Variants in MYH15 observed in about 807,000 individuals in gnomAD.
MYH15 encodes the protein myosin-15.
In MYH15, 227 loss-of-function variants were observed where a neutral mutation model predicts 240.5. The observed-to-expected ratio is 0.94, with a 90% CI of 0.85 to 1.05. MYH15 has a LOEUF of 1.05. Among genes scored for constraint, MYH15 ranks in the 50% least tolerant of loss-of-function variants. The pLI is 0.00. For missense variants in MYH15, 2,217 were observed against 2,247.5 expected (o/e 0.99, Z 0.27); for synonymous variants, 785 against 796.7 (o/e 0.99, Z 0.25).
chr3:108,542,490 C>T, the MYH15 span, among the ~76,000 whole-genome samples: 1 of 152,146 alleles, frequency 6.6e-6, no homozygotes, highest in African/African-American at 2.4e-5. Context: ...TTCAGACTGG[C>T]TTTTCATTTA....
rs368557464 is a variant in MYH15, at chr3:108,428,627, T to C, written c.3567A>G (p.Ala1189=). Residue 1189 remains alanine (A), a synonymous_variant, in exon 27 of 41, where the codon GCA becomes GCG. Transcript: ENST00000693548. ...GGCCCTCGAGCTCAGCCAGGCTGTC[T>C]GCATGTCTCTTCTTCAAAGATGCAG... The part of the protein sequence containing the change: ...TTSASLKKRH[A]DSLAELEGQV... 9.3e-6 allele frequency: 15 copies of C among 1,613,876 alleles called. No homozygotes were observed. In the Admixed American group the frequency reaches 2.2e-4, roughly 23 times the overall value.
intron 12 of MYH15, among the ~76,000 whole-genome samples, chr3:108,475,516 C>T (rs1336139271): frequency 6.6e-6 from 1 of 152,134 alleles, no homozygotes; most frequent in African/African-American, 2.4e-5. Flanking sequence ...CTAGCCCAAG[C>T]AGTTAAAGGT....
At chr3:108,496,382 A>C (rs954232048) in intron 6 of MYH15, among the ~76,000 whole-genome samples, 3 of 152,172 alleles carry the variant, frequency 2.0e-5, no homozygotes, top group African/African-American at 7.2e-5. Context: ...ATTGATCTTG[A>C]ATTTGAATCA....
the MYH15 span, among the ~76,000 whole-genome samples, chr3:108,545,203 ACTAGT>A: frequency 3.3e-5 from 5 of 152,258 alleles, no homozygotes; most frequent in East Asian, 3.9e-4. Context: ...AGCAACCCAG[ACTAGT>A]CTAGTCAATA....
At chr3:108,530,174 C>T (rs2083702432), upstream of MYH15, among the ~76,000 whole-genome samples, 1 of 152,136 alleles carries the variant, frequency 6.6e-6, no homozygotes, top group South Asian at 2.1e-4. Context: ...CTGCTCTTGT[C>T]CTTTCTAGCA....
Position 108,474,497 on chromosome 3 carries a change from T to C in MYH15, c.1233+1900A>G, listed in dbSNP as rs541994408. ...TATTTTTGCTTTTTTTTGTTTTTAT[T>C]ATTATTTTAATTGATAAATAATTAT... is the stretch of plus-strand genomic sequence containing the variant. On this transcript the variant is annotated intron_variant, in intron 12 of 40. Transcript: ENST00000693548. Among the ~76,000 whole-genome samples the C allele has an allele frequency of 2.0e-5, 3 of 150,828 alleles. No homozygotes were observed. The South Asian group carries it at 6.2e-4, about 31-fold the overall frequency.
chr3:108,401,883 TAC>T (rs1171582765), intron 33 of MYH15, among the ~76,000 whole-genome samples: 1 of 152,174 alleles, frequency 6.6e-6, no homozygotes, highest in Non-Finnish European at 1.5e-5. Context: ...CTCCCTCAAG[TAC>T]ATTCTTTAAG....
intron 9 of MYH15, 70 bp from the exon 10 acceptor site, chr3:108,486,596 T>C (rs1197942423): frequency 2.9e-6 from 3 of 1,051,438 alleles, no homozygotes; most frequent in Non-Finnish European, 4.3e-6. Context: ...AATTGGTCAA[T>C]ATTCGCAGTT....
chr3:108,411,050 G>T, intron 30 of MYH15, 118 bp from the exon 31 acceptor site: 2 of 789,908 alleles, frequency 2.5e-6, no homozygotes, highest in South Asian at 1.9e-5. Flanking sequence ...CTCTGCAGTG[G>T]ACTTAGTGGT....
intron 21 of MYH15, among the ~76,000 whole-genome samples, chr3:108,446,178 A>C (rs2082926196): frequency 6.6e-6 from 1 of 152,128 alleles, no homozygotes; most frequent in African/African-American, 2.4e-5. Flanking sequence ...GTTCCAGTAG[A>C]TCCTAACCAC....
At chr3:108,549,599 C>T in the MYH15 span, among the ~76,000 whole-genome samples, 3 of 151,978 alleles carry the variant, frequency 2.0e-5, no homozygotes, top group Admixed American at 6.6e-5. Flanking sequence ...TCTGCATTAT[C>T]TAACAGGATG....
At position 108,464,728 on chromosome 3, in the gene MYH15, G is replaced by T. The variant is rs377215115; in HGVS notation, c.1641C>A (p.Asn547Lys). Residue 547 changes from asparagine (N) to lysine (K), a missense_variant, in exon 15 of 41, where the codon AAC becomes AAA. Asn to Lys is a moderately conservative substitution (Grantham distance 94, BLOSUM62 0). Transcript: ENST00000693548. ...DLTFKTKLFD[N>K]HFGKSVHLQK... ...GGAGATGAACCGACTTTCCAAAATG[G>T]TTGTCAAAGAGTTTGGTCTTGAAAG... The T allele has an allele frequency of 6.8e-5, 110 of 1,613,918 alleles. No individual in the cohort carries two copies. In the African/African-American group the frequency reaches 1.1e-3, roughly 17 times the overall value.
At position 108,507,226 on chromosome 3, in the gene MYH15, A is replaced by AAT. The variant is rs147101810; in HGVS notation, c.89-1399_89-1398dup. On this transcript the variant is annotated intron_variant, in intron 1 of 40. Transcript: ENST00000693548. The stretch of plus-strand genomic sequence containing the variant: ...CATACTTTCCTTTTAAAGGAAAATG[A>AAT]ATATATATATATATATATATATATA... Among the ~76,000 whole-genome samples, 308 of 98,248 alleles carry AAT rather than the reference A, an allele frequency of 3.1e-3. 2 individuals carry two copies. The highest frequency in any genetic ancestry group is 5.8e-3 in the African/African-American group (127 of 21,798). 64.5% of individuals were successfully genotyped at this position (98,248 alleles called of 152,430 possible).
At chr3:108,417,117 G>C (rs2082640803) in intron 28 of MYH15, among the ~76,000 whole-genome samples, 187 bp from the exon 29 acceptor site, 2 of 152,164 alleles carry the variant, frequency 1.3e-5, no homozygotes, top group South Asian at 4.1e-4. Flanking sequence ...ACTCAGAAGA[G>C]AGTCCTAAAA....
In MYH15 at chr3:108,444,758, T is replaced by C; in HGVS notation, c.2537A>G (p.Glu846Gly). Residue 846 changes from glutamate to glycine, a missense_variant, in exon 22 of 41, where the codon GAA becomes GGA. By Grantham distance (98) the Glu-to-Gly change is moderately conservative. Coordinates refer to ENST00000693548, the MANE Select transcript of MYH15 (RefSeq NM_014981.3). ...EVGEEVAGLK[E>G]ECAQLQKALE... ...GGCTTTCTGTAATTGTGCACACTCT[T>C]CCTTCAGTCCAGCTACTTCTTCTCC... 3 of 1,614,128 alleles carry C rather than the reference T, an allele frequency of 1.9e-6. No homozygotes were observed. Among genetic ancestry groups the C allele is most frequent in the Non-Finnish European group, 2.5e-6 (3 of 1,179,998 alleles).
At chr3:108,425,814 T>A (rs1215619793) in intron 27 of MYH15, among the ~76,000 whole-genome samples, 1 of 152,196 alleles carries the variant, frequency 6.6e-6, no homozygotes, top group Non-Finnish European at 1.5e-5. Flanking sequence ...AGAGAATTAA[T>A]CTTCTTAGAG....
At chr3:108,486,239 C>A (rs2083304596) in intron 10 of MYH15, among the ~76,000 whole-genome samples, 184 bp downstream of exon 10, 2 of 152,162 alleles carry the variant, frequency 1.3e-5, no homozygotes, top group Admixed American at 1.3e-4. Flanking sequence ...TCATAGCTTC[C>A]AAAGTTACTA....
intron 23 of MYH15, among the ~76,000 whole-genome samples, chr3:108,440,173 ATAAT>A (rs1377793010): frequency 6.6e-6 from 1 of 152,338 alleles, no homozygotes; most frequent in Admixed American, 6.5e-5. Context: ...AACATTATTT[ATAAT>A]TATTTAACAT....
chr3:108,531,132 G>A (rs1404748153), upstream of MYH15, among the ~76,000 whole-genome samples: 1 of 152,198 alleles, frequency 6.6e-6, no homozygotes, highest in Admixed American at 6.5e-5. Flanking sequence ...TCATGAATGA[G>A]GGAGAATGAG....
Sources: allele counts gnomAD v4.1 joint callset (sites outside exome capture counted in the v4.1 genomes callset), GRCh38; gene constraint gnomAD v4.1.1; transcripts MANE v1.5; gene names NCBI Gene and HGNC (gene_info 2026-07-23, HGNC 2026-07-21).